AK8: variants seen among roughly 807,000 people sequenced by gnomAD.
AK8 encodes adenylate kinase 8.
Under a neutral mutation model 54.6 loss-of-function variants are expected in AK8, and 44 were observed. The ratio of observed to expected loss-of-function variants is 0.81; its 90% confidence interval spans 0.63 to 1.04. The LOEUF (loss-of-function observed/expected upper bound fraction) is 1.04. AK8 is among the 50% of genes least tolerant of loss of function. The pLI is 0.00. For synonymous variants in AK8, 239 were observed against 245.6 expected (o/e 0.97, Z 0.25); for missense variants, 555 against 613.6 (o/e 0.90, Z 1.01).
intron 11 of AK8, among the ~76,000 whole-genome samples, chr9:132,752,782 A>C (rs1838003648): frequency 8.1e-6 from 1 of 124,100 alleles, no homozygotes; most frequent in Non-Finnish European, 1.6e-5. Context: ...CCTTCCTTCC[A>C]TTCAAGTCTG....
At position 132,832,637 on chromosome 9, in the gene AK8, T is replaced by C. The variant is rs559054781; in HGVS notation, c.403-3911A>G. Among the ~76,000 whole-genome samples, 209 of 152,352 alleles carry C rather than the reference T, an allele frequency of 1.4e-3. 1 individual carries two copies. Among genetic ancestry groups the C allele is most frequent in the Non-Finnish European group, 2.4e-3 (164 of 68,030 alleles). On this transcript the variant is annotated intron_variant, in intron 5 of 12. Coordinates refer to ENST00000298545, the MANE Select transcript of AK8 (RefSeq NM_152572.3). ...TCTTTGCTCAGCACTGAAAAAGGCC[T>C]CTGCTTTTAATATTGCATTACTGAG...
At chr9:132,804,433 G>C (rs887335870) in intron 10 of AK8, among the ~76,000 whole-genome samples, 1 of 152,150 alleles carries the variant, frequency 6.6e-6, no homozygotes, top group African/African-American at 2.4e-5. Context: ...ACCAAAGGCT[G>C]GGGGGAGGTC....
At chr9:132,819,686 T>C (rs1564419535) in intron 9 of AK8, among the ~76,000 whole-genome samples, 1 of 152,228 alleles carries the variant, frequency 6.6e-6, no homozygotes, top group African/African-American at 2.4e-5. Flanking sequence ...ATCGATATTA[T>C]AGAACACTAT....
At chr9:132,857,824 G>C (rs977238531) in intron 4 of AK8, among the ~76,000 whole-genome samples, 14 of 152,174 alleles carry the variant, frequency 9.2e-5, no homozygotes, top group Non-Finnish European at 2.1e-4. Flanking sequence ...TTTGAGCGCA[G>C]CTACTCCTGA....
intron 11 of AK8, among the ~76,000 whole-genome samples, chr9:132,780,092 A>G (rs766522156): frequency 1.3e-5 from 2 of 152,350 alleles, no homozygotes; most frequent in East Asian, 3.9e-4. Flanking sequence ...GAGGAGGGAA[A>G]GGGAAGAAGT....
chr9:132,778,374 C>T (rs1345705645), intron 11 of AK8, among the ~76,000 whole-genome samples: 5 of 152,160 alleles, frequency 3.3e-5, no homozygotes, highest in African/African-American at 1.2e-4. Context: ...CTGCTGATTC[C>T]AACTCCATTT....
chr9:132,806,101 C>CAT (rs1554794660), intron 10 of AK8, among the ~76,000 whole-genome samples: 1 of 148,570 alleles, frequency 6.7e-6, no homozygotes, highest in South Asian at 2.2e-4. Flanking sequence ...TACTGCTTGG[C>CAT]GTGTGTGTGT....
At chr9:132,762,876 C>CAAAAGA (rs1254580913) in intron 11 of AK8, among the ~76,000 whole-genome samples, 1 of 151,920 alleles carries the variant, frequency 6.6e-6, no homozygotes, top group Non-Finnish European at 1.5e-5. Flanking sequence ...GACTCTATCT[C>CAAAAGA]AAAAGAAAAA....
intron 10 of AK8, among the ~76,000 whole-genome samples, chr9:132,812,894 C>CGTCTGACGGCTCCTA: frequency 7.6e-6 from 1 of 131,556 alleles, no homozygotes; most frequent in African/African-American, 2.9e-5. Context: ...ACACAGATCA[C>CGTCTGACGGCTCCTA]CTCATTCTGT....
intron 11 of AK8, among the ~76,000 whole-genome samples, chr9:132,729,784 G>GA (rs1169088068): frequency 3.9e-5 from 6 of 152,098 alleles, no homozygotes; most frequent in Admixed American, 3.3e-4. Context: ...ACAACAACAA[G>GA]AAAACATCAG....
intron 11 of AK8, among the ~76,000 whole-genome samples, chr9:132,729,557 T>C (rs916173145): frequency 6.6e-6 from 1 of 152,232 alleles, no homozygotes; most frequent in Non-Finnish European, 1.5e-5. Context: ...AACATTCCAT[T>C]GCTCACTATT....
At chr9:132,746,574 G>T (rs1837663378) in intron 11 of AK8, among the ~76,000 whole-genome samples, 1 of 152,264 alleles carries the variant, frequency 6.6e-6, no homozygotes, top group South Asian at 2.1e-4. Context: ...CATGCTAATA[G>T]AGATTCCGAC....
chr9:132,820,380 C>T (rs1018978777), intron 9 of AK8, among the ~76,000 whole-genome samples: 18 of 152,118 alleles, frequency 1.2e-4, no homozygotes, highest in African/African-American at 4.3e-4. Context: ...TCTGCCCCTC[C>T]CTTATTTAGC....
chr9:132,866,881 A>C, intron 3 of AK8, 23 bp downstream of exon 3: 1 of 1,611,722 alleles, frequency 6.2e-7, no homozygotes, highest in South Asian at 1.1e-5. Context: ...ACAGCATCAC[A>C]ACACTTAATA....
intron 11 of AK8, among the ~76,000 whole-genome samples, chr9:132,728,819 G>A (rs574492871): frequency 6.6e-6 from 1 of 152,256 alleles, no homozygotes; most frequent in South Asian, 2.1e-4. Context: ...GAGCACCAGG[G>A]AATTCATCTC....
rs1419472845 is a variant in AK8, at chr9:132,878,049, A to C, written c.84+123T>G. 4 of 1,537,274 alleles carry C rather than the reference A, an allele frequency of 2.6e-6. No individual in the cohort carries two copies. Among genetic ancestry groups the C allele is most frequent in the Non-Finnish European group, 3.5e-6 (4 of 1,137,522 alleles). On this transcript the variant is annotated intron_variant, in intron 1 of 12. Transcript: ENST00000298545. The surrounding 1 kb of genome is among the most constrained non-coding windows in gnomAD (Gnocchi z 4.7). The stretch of plus-strand genomic sequence containing the variant: ...GGCGACACACGAATCGTACATCCCG[A>C]GTTGGGCTGCTTCGTGGGCGCGCGA...
intron 7 of AK8, 67 bp from the exon 8 acceptor site, chr9:132,827,121 G>T: frequency 6.5e-7 from 1 of 1,534,638 alleles, no homozygotes; most frequent in Non-Finnish European, 9.0e-7. Flanking sequence ...GCTGTGCCTG[G>T]CTGGGGTGCT....
chr9:132,778,487 G>T (rs897285919), intron 11 of AK8, among the ~76,000 whole-genome samples: 1 of 152,192 alleles, frequency 6.6e-6, no homozygotes, highest in Admixed American at 6.5e-5. Flanking sequence ...TAATGAAAGA[G>T]AGAGAGAGTG....
At chr9:132,813,332 G>A (rs1841167802) in intron 10 of AK8, among the ~76,000 whole-genome samples, 1 of 152,128 alleles carries the variant, frequency 6.6e-6, no homozygotes, top group African/African-American at 2.4e-5. Context: ...ACATCTCCCG[G>A]GGAGGCCCAA....
Sources: gnomAD v4.1 joint callset for allele counts (sites outside exome capture counted in the v4.1 genomes callset) on GRCh38, gnomAD v4.1.1 for gene constraint, Gnocchi (gnomAD v3.1) non-coding constraint, MANE v1.5 for transcripts, NCBI Gene and HGNC (gene_info 2026-07-23, HGNC 2026-07-21) for gene names.